Variants in MYO16 observed in about 807,000 individuals in gnomAD.
The protein encoded by MYO16 is myosin XVI.
Under a neutral mutation model 205.3 loss-of-function variants are expected in MYO16, and 94 were observed. The observed-to-expected ratio is 0.46, with a 90% confidence interval of 0.39 to 0.54. The LOEUF (loss-of-function observed/expected upper bound fraction) is 0.54, where lower values mean the gene tolerates loss of function less well. Ranked by LOEUF, MYO16 falls within the 20% of genes least tolerant of loss-of-function variation. The pLI is 0.00. For synonymous variants in MYO16, 988 were observed against 954.0 expected (o/e 1.04, Z -0.66); for missense variants, 2,315 against 2,387.5 (o/e 0.97, Z 0.63).
chr13:108,500,811 A>T, the MYO16 span, among the ~76,000 whole-genome samples: 1 of 152,078 alleles, frequency 6.6e-6, no homozygotes, highest in Admixed American at 6.5e-5. Flanking sequence ...CCTGTGGCTT[A>T]AAAGACTTGA....
At chr13:109,174,300 G>C (rs930251160) in intron 33 of MYO16, among the ~76,000 whole-genome samples, 1 of 152,164 alleles carries the variant, frequency 6.6e-6, no homozygotes, top group Non-Finnish European at 1.5e-5. Flanking sequence ...GATGATGACA[G>C]GTTTGGAGTT....
intron 27 of MYO16, among the ~76,000 whole-genome samples, chr13:109,075,331 G>T (rs7983099): frequency 0.41 from 46,650 of 113,762 alleles, 7,636 homozygotes; most frequent in Admixed American, 0.51. Context: ...CACGTGGTTT[G>T]ATCAGTCTTT....
chr13:108,842,784 C>A (rs187914108), intron 9 of MYO16, among the ~76,000 whole-genome samples: 3 of 152,200 alleles, frequency 2.0e-5, no homozygotes, highest in Admixed American at 2.0e-4. Context: ...AAATCAAGAT[C>A]TCAAAGAGGT....
chr13:108,810,051 T>G (rs1887239098), intron 7 of MYO16, among the ~76,000 whole-genome samples: 1 of 152,226 alleles, frequency 6.6e-6, no homozygotes, highest in East Asian at 1.9e-4. Context: ...GTTGCTTGAT[T>G]GGTACAGACA....
At chr13:108,589,693 GCTGT>G in the MYO16 span, among the ~76,000 whole-genome samples, 3 of 151,602 alleles carry the variant, frequency 2.0e-5, no homozygotes, top group Admixed American at 6.6e-5. Flanking sequence ...TCTCCCTCTC[GCTGT>G]CTGTCTGTCT....
intron 5 of MYO16, among the ~76,000 whole-genome samples, chr13:108,787,473 C>T (rs565989508): frequency 3.2e-4 from 48 of 152,228 alleles, no homozygotes; most frequent in African/African-American, 1.1e-3. Context: ...GAAAATAAAA[C>T]GACATTTATT....
At chr13:109,143,567 G>A (rs766797314) in intron 32 of MYO16, among the ~76,000 whole-genome samples, 12 of 152,140 alleles carry the variant, frequency 7.9e-5, no homozygotes, top group Admixed American at 2.6e-4. Context: ...AACAAGGTGA[G>A]TTCTTCTTGA....
intron 8 of MYO16, 77 bp from the exon 9 acceptor site, chr13:108,823,048 G>A (rs1373798135): frequency 7.5e-7 from 1 of 1,334,474 alleles, no homozygotes; most frequent in East Asian, 2.3e-5. Context: ...AAGCATATCG[G>A]AATTATTGAA....
chr13:109,013,428 G>A (rs907413699), intron 22 of MYO16, among the ~76,000 whole-genome samples: 4 of 152,128 alleles, frequency 2.6e-5, no homozygotes, highest in Admixed American at 6.5e-5. Flanking sequence ...ATAAACATAC[G>A]TGTGCATGTG....
chr13:108,659,520 CT>C (rs1881405074), intron 1 of MYO16: 1 of 185,946 alleles, frequency 5.4e-6, no homozygotes, highest in Admixed American at 6.3e-5. Flanking sequence ...CCTTGCCCCC[CT>C]AAAAAAGTGT....
At chr13:108,928,106 TGGGGCTTTTCTCCTTTCTCTACAA>T (rs1882090777) in intron 16 of MYO16, among the ~76,000 whole-genome samples, 1 of 152,208 alleles carries the variant, frequency 6.6e-6, no homozygotes, top group South Asian at 2.1e-4. Context: ...GCTTGCCTTC[TGGGGCTTTTCTCCTTTCTCTACAA>T]GGAGAGAGGG....
intron 34 of MYO16, among the ~76,000 whole-genome samples, chr13:109,189,786 C>T (rs1294467708): frequency 9.9e-5 from 15 of 152,206 alleles, no homozygotes; most frequent in Admixed American, 8.5e-4. Flanking sequence ...TATCATTTTA[C>T]GTCAGCTTAA....
chr13:108,806,895 A>G (rs1887131947), intron 7 of MYO16, 91 bp downstream of exon 7: 1 of 970,204 alleles, frequency 1.0e-6, no homozygotes, highest in African/African-American at 1.7e-5. Context: ...TAAATTACGT[A>G]CTAATCATTA....
At chr13:108,748,125 AAAATTTT>A (rs1279783625) in intron 4 of MYO16, among the ~76,000 whole-genome samples, 1 of 152,070 alleles carries the variant, frequency 6.6e-6, no homozygotes, top group African/African-American at 2.4e-5. Context: ...ACAGACCTTA[AAAATTTT>A]AAAGTAGAAC....
At chr13:108,573,314 T>G in the MYO16 span, among the ~76,000 whole-genome samples, 1 of 152,346 alleles carries the variant, frequency 6.6e-6, no homozygotes. Context: ...TTATTAACAT[T>G]TTTGTGGTAA....
In MYO16 at chr13:108,682,153, A is replaced by C. The variant is rs16972920; in HGVS notation, c.292+16004A>C. 3.5e-3 allele frequency among the ~76,000 whole-genome samples: 531 copies of C among 152,340 alleles called. 1 individual carries two copies. Among genetic ancestry groups the C allele is most frequent in the African/African-American group, 0.012 (497 of 41,578 alleles). ...TGGATACCACTGATATTATCCGTTC[A>C]GGGGATAGACATGCTAAACATTGTG... On this transcript the variant is annotated intron_variant, in intron 2 of 34. Coordinates refer to ENST00000457511, the MANE Select transcript of MYO16 (RefSeq NM_001198950.3).
chr13:108,765,004 G>A (rs1367921746), intron 4 of MYO16, among the ~76,000 whole-genome samples: 2 of 152,158 alleles, frequency 1.3e-5, no homozygotes, highest in Non-Finnish European at 2.9e-5. Flanking sequence ...ACCTAAACAT[G>A]TAAATAATAC....
chr13:108,552,702 T>C, the MYO16 span, among the ~76,000 whole-genome samples: 8 of 152,164 alleles, frequency 5.3e-5, no homozygotes, highest in Non-Finnish European at 8.8e-5. Context: ...CTTCACTCCT[T>C]CCTCCTGTTA....
chr13:108,762,007 C>A (rs944278269), intron 4 of MYO16, among the ~76,000 whole-genome samples: 8 of 152,282 alleles, frequency 5.3e-5, no homozygotes, highest in African/African-American at 1.9e-4. Flanking sequence ...CTAGTCCATA[C>A]CTTTACAAGC....
Sources: gnomAD v4.1 joint callset for allele counts (sites outside exome capture counted in the v4.1 genomes callset) on GRCh38, gnomAD v4.1.1 for gene constraint, MANE v1.5 for transcripts, NCBI Gene and HGNC (gene_info 2026-07-23, HGNC 2026-07-21) for gene names.